Variants in MIR2052HG observed in about 807,000 individuals in gnomAD.
MIR2052HG encodes the protein MIR2052 host gene.
At chr8:74,754,400 A>C (rs1225633715) in intron 5 of MIR2052HG, among the ~76,000 whole-genome samples, 1 of 152,198 alleles carries the variant, frequency 6.6e-6, no homozygotes, top group Non-Finnish European at 1.5e-5. Context: ...TGTTAGGCAC[A>C]TTTGGTGGCC....
chr8:74,612,526 A>G, intron 1 of MIR2052HG: 2 of 189,446 alleles, frequency 1.1e-5, no homozygotes, highest in South Asian at 1.8e-4. Context: ...CTGCTTGGAC[A>G]GAGGTCATGC....
intron 2 of MIR2052HG, among the ~76,000 whole-genome samples, chr8:74,622,352 C>T (rs1808373847): frequency 6.6e-6 from 1 of 152,028 alleles, no homozygotes; most frequent in Admixed American, 6.6e-5. Flanking sequence ...GCCTGTAATC[C>T]CAGCATTTTG....
chr8:74,736,724 T>C lies in MIR2052HG; in HGVS notation n.372-15717T>C, dbSNP rs770725687. Among the ~76,000 whole-genome samples, 53 of 152,340 alleles carry C rather than the reference T, an allele frequency of 3.5e-4. No homozygotes were observed. In the Middle Eastern group the frequency reaches 0.01, roughly 29 times the overall value. ...ATTCATAGCAAAGAATTCCATCAGATGTCTGGACGTTTGGGGTTGGAAACC... is the reference window on the plus strand; with the variant it reads ...ATTCATAGCAAAGAATTCCATCAGACGTCTGGACGTTTGGGGTTGGAAACC... On this transcript the variant is annotated intron_variant and non_coding_transcript_variant, in intron 4 of 6. Coordinates refer to ENST00000523442, the Ensembl canonical transcript of MIR2052HG.
At chr8:74,631,598 G>T (rs547990688) in intron 2 of MIR2052HG, among the ~76,000 whole-genome samples, 1 of 152,302 alleles carries the variant, frequency 6.6e-6, no homozygotes, top group African/African-American at 2.4e-5. Context: ...GATGGTTTCT[G>T]TGAATTGGTA....
At chr8:74,713,581 T>G (rs1012488743) in intron 4 of MIR2052HG, among the ~76,000 whole-genome samples, 1 of 152,132 alleles carries the variant, frequency 6.6e-6, no homozygotes, top group Non-Finnish European at 1.5e-5. Flanking sequence ...CTCCTACTGA[T>G]GCCATTTCAC....
At chr8:74,705,880 A>G (rs1413588255) in intron 4 of MIR2052HG, 2 of 151,124 alleles carry the variant, frequency 1.3e-5, no homozygotes, top group Non-Finnish European at 3.2e-5. Flanking sequence ...AAAAAACTAA[A>G]CTTCTGAAAT....
At chr8:74,643,932 AG>A (rs1317120402) in intron 2 of MIR2052HG, among the ~76,000 whole-genome samples, 2 of 152,238 alleles carry the variant, frequency 1.3e-5, no homozygotes, top group Non-Finnish European at 2.9e-5. Flanking sequence ...CTTTTATCAC[AG>A]AACTAGATCA....
chr8:74,713,579 G>A (rs1266097221), intron 4 of MIR2052HG, among the ~76,000 whole-genome samples: 5 of 150,690 alleles, frequency 3.3e-5, no homozygotes, highest in Admixed American at 2.0e-4. Flanking sequence ...ATCTCCTACT[G>A]ATGCCATTTC....
intron 4 of MIR2052HG, among the ~76,000 whole-genome samples, chr8:74,723,821 T>A (rs1456210810): frequency 6.6e-6 from 1 of 152,328 alleles, no homozygotes; most frequent in South Asian, 2.1e-4. Context: ...CAGATCAGCC[T>A]AATTTCTGCA....
At chr8:74,706,473 T>G (rs1049385478) in intron 4 of MIR2052HG, among the ~76,000 whole-genome samples, 1 of 152,068 alleles carries the variant, frequency 6.6e-6, no homozygotes, top group Non-Finnish European at 1.5e-5. Context: ...AAAAACCTTC[T>G]CACTCCTAAG....
chr8:74,688,679 T>C (rs1024425203), intron 2 of MIR2052HG, among the ~76,000 whole-genome samples: 1 of 152,306 alleles, frequency 6.6e-6, no homozygotes, highest in South Asian at 2.1e-4. Flanking sequence ...TTTGTTACCA[T>C]AGGTTTTTGG....
chr8:74,603,478 A>C, intron 1 of MIR2052HG: 1 of 1,597,902 alleles, frequency 6.3e-7, no homozygotes, highest in Non-Finnish European at 8.6e-7. Flanking sequence ...TTGACGCCCG[A>C]TTATGCAGCC....
rs796579439 is a variant in MIR2052HG, at chr8:74,702,284, A to G, written n.217-95A>G. The G allele has an allele frequency of 4.5e-4, 109 of 243,724 alleles. 2 individuals carry two copies. The highest frequency in any genetic ancestry group is 4.1e-3 in the South Asian group (107 of 26,150). 15.1% of individuals were successfully genotyped at this position (243,724 alleles called of 1,614,324 possible). A position where few individuals can be genotyped will look rare whatever the true frequency, so the allele number is the denominator to read the frequency against. ...TGAAAGCGATTTTGATTAAGAAGGG[A>G]TAAAAGAATATGCATAGTTATATTG... On this transcript the variant is annotated intron_variant and non_coding_transcript_variant, in intron 2 of 6. Coordinates refer to ENST00000523442, the Ensembl canonical transcript of MIR2052HG.
chr8:74,647,576 A>G (rs1385018313), intron 2 of MIR2052HG, among the ~76,000 whole-genome samples: 1 of 152,240 alleles, frequency 6.6e-6, no homozygotes, highest in Non-Finnish European at 1.5e-5. Context: ...TCCTAAGAAC[A>G]CATTGTTTAG....
At chr8:74,633,793 G>A (rs909220225) in intron 2 of MIR2052HG, among the ~76,000 whole-genome samples, 1 of 152,174 alleles carries the variant, frequency 6.6e-6, no homozygotes, top group Non-Finnish European at 1.5e-5. Context: ...CAATTGGCTG[G>A]TTATAAAGAC....
Position 74,644,677 on chromosome 8 carries a change from G to C in MIR2052HG, n.216+31737G>C, listed in dbSNP as rs1433598509. On this transcript the variant is annotated intron_variant and non_coding_transcript_variant, in intron 2 of 6. Coordinates refer to ENST00000523442, the Ensembl canonical transcript of MIR2052HG. Reference sequence around the variant, plus strand: ...GGGCTGAGGCAGGTGAATTACTTGAGCTCAGGAGTTCAAGACCAGCCTGGG... The same window carrying C: ...GGGCTGAGGCAGGTGAATTACTTGACCTCAGGAGTTCAAGACCAGCCTGGG... Among the ~76,000 whole-genome samples, 3 of 152,130 alleles carry C rather than the reference G, an allele frequency of 2.0e-5. No homozygotes were observed. In the East Asian group the frequency reaches 5.8e-4, roughly 29 times the overall value.
At chr8:74,611,224 T>C (rs75848159) in intron 1 of MIR2052HG, among the ~76,000 whole-genome samples, 1 of 151,994 alleles carries the variant, frequency 6.6e-6, no homozygotes, top group Non-Finnish European at 1.5e-5. Context: ...ACACTAAACA[T>C]CAATTTTTCA....
At chr8:74,607,063 T>G (rs1808122293) in intron 1 of MIR2052HG, among the ~76,000 whole-genome samples, 1 of 151,300 alleles carries the variant, frequency 6.6e-6, no homozygotes, top group Non-Finnish European at 1.5e-5. Context: ...AAGATCCAAC[T>G]ATATATAGCC....
intron 2 of MIR2052HG, among the ~76,000 whole-genome samples, chr8:74,613,453 G>T (rs940467218): frequency 6.6e-6 from 1 of 152,202 alleles, no homozygotes. Context: ...ATGGGATGGA[G>T]ATAAATAGCC....
Sources: allele counts gnomAD v4.1 joint callset (sites outside exome capture counted in the v4.1 genomes callset), GRCh38; gene constraint gnomAD v4.1.1; transcripts MANE v1.5; gene names NCBI Gene and HGNC (gene_info 2026-07-23, HGNC 2026-07-21).